The following LARGE1 variants were observed in gnomAD, a reference collection of about 807,000 sequenced individuals.
LARGE1 encodes the protein LARGE xylosyl- and glucuronyltransferase 1.
A neutral mutation model predicts 87.6 loss-of-function variants in LARGE1; 43 were observed. That is an observed-to-expected ratio of 0.49 (90% CI 0.38 to 0.63). The LOEUF (loss-of-function observed/expected upper bound fraction) is 0.63, where lower values mean the gene tolerates loss of function less well. LARGE1 is among the 30% of genes least tolerant of loss of function. The pLI is 0.00. For synonymous variants in LARGE1, 434 were observed against 394.6 expected (o/e 1.10, Z -1.18); for missense variants, 802 against 1,000.2 (o/e 0.80, Z 2.67).
chr22:33,325,707 C>T (rs891338769), intron 10 of LARGE1, among the ~76,000 whole-genome samples: 1 of 152,232 alleles, frequency 6.6e-6, no homozygotes, highest in Non-Finnish European at 1.5e-5. Context: ...TTTCTTCCTT[C>T]CTGTGACACC....
At chr22:33,816,060 T>TG (rs2086638912) in intron 1 of LARGE1, among the ~76,000 whole-genome samples, 1 of 152,184 alleles carries the variant, frequency 6.6e-6, no homozygotes, top group Admixed American at 6.5e-5. Context: ...AGACATGGCC[T>TG]GGTGTTCTGA....
intron 11 of LARGE1, among the ~76,000 whole-genome samples, chr22:33,212,628 AG>A (rs1326735263): frequency 6.6e-6 from 1 of 152,198 alleles, no homozygotes; most frequent in Admixed American, 6.5e-5. Context: ...ACATTTCATA[AG>A]GCTATAGCTG....
intron 6 of LARGE1, among the ~76,000 whole-genome samples, chr22:33,468,954 C>G (rs1179799557): frequency 6.6e-6 from 1 of 152,152 alleles, no homozygotes; most frequent in Non-Finnish European, 1.5e-5. Context: ...ACCACACTCA[C>G]CATACCTCGG....
At chr22:33,096,534 CTTT>C in the LARGE1 span, among the ~76,000 whole-genome samples, 4 of 144,642 alleles carry the variant, frequency 2.8e-5, no homozygotes, top group African/African-American at 1.0e-4. Flanking sequence ...TTATTTTGTT[CTTT>C]TGTTTTTTGT....
intron 2 of LARGE1, among the ~76,000 whole-genome samples, chr22:33,699,876 C>CCAAA (rs530752465): frequency 6.5e-4 from 99 of 152,304 alleles, no homozygotes; most frequent in African/African-American, 2.2e-3. Context: ...AAACAAGACT[C>CCAAA]CAAAGCACTC....
intron 4 of LARGE1, among the ~76,000 whole-genome samples, chr22:33,614,852 A>ACC (rs2079538242): frequency 6.6e-6 from 1 of 151,904 alleles, no homozygotes; most frequent in Admixed American, 6.6e-5. Context: ...TCTCTTGTTT[A>ACC]CTCTCTACAA....
intron 6 of LARGE1, among the ~76,000 whole-genome samples, chr22:33,517,333 G>A (rs931533215): frequency 2.6e-5 from 4 of 152,082 alleles, no homozygotes; most frequent in Non-Finnish European, 5.9e-5. Flanking sequence ...TAACCTCTAG[G>A]AAAGTTGTCC....
chr22:33,710,241 G>A (rs539617109), intron 2 of LARGE1, among the ~76,000 whole-genome samples: 2 of 152,012 alleles, frequency 1.3e-5, no homozygotes, highest in South Asian at 4.1e-4. Flanking sequence ...AATACAAATT[G>A]TATTCGGTGT....
chr22:33,641,850 T>C (rs1201502557), intron 3 of LARGE1, among the ~76,000 whole-genome samples: 2 of 151,968 alleles, frequency 1.3e-5, no homozygotes, highest in Non-Finnish European at 2.9e-5. Context: ...TGAAAAGTAA[T>C]GAACAAAGCC....
the LARGE1 span, among the ~76,000 whole-genome samples, chr22:33,087,206 C>T: frequency 6.6e-6 from 1 of 151,688 alleles, no homozygotes; most frequent in Non-Finnish European, 1.5e-5. Context: ...GTATTAATTT[C>T]TGCATCTCCA....
At chr22:33,267,483 CAG>C (rs1928016754) in intron 11 of LARGE1, among the ~76,000 whole-genome samples, 2 of 151,574 alleles carry the variant, frequency 1.3e-5, no homozygotes, top group African/African-American at 2.4e-5. Flanking sequence ...TCAAATAACT[CAG>C]AGTTAATGAA....
intron 2 of LARGE1, among the ~76,000 whole-genome samples, chr22:33,671,345 A>G (rs1327295603): frequency 6.6e-6 from 1 of 152,234 alleles, no homozygotes; most frequent in Non-Finnish European, 1.5e-5. Context: ...TGAGATGTCT[A>G]GAGAATGGCC....
chr22:33,438,864 G>A (rs1484356682), intron 6 of LARGE1, among the ~76,000 whole-genome samples: 1 of 152,126 alleles, frequency 6.6e-6, no homozygotes, highest in Non-Finnish European at 1.5e-5. Flanking sequence ...ATCATAAAAG[G>A]TTAAGTATAA....
At chr22:33,178,643 T>C (rs1923004544) in intron 11 of LARGE1, among the ~76,000 whole-genome samples, 1 of 152,226 alleles carries the variant, frequency 6.6e-6, no homozygotes, top group Non-Finnish European at 1.5e-5. Context: ...TTTTCCTTTC[T>C]TCAAAAAGTC....
chr22:33,637,408 T>C (rs931270863), intron 3 of LARGE1, among the ~76,000 whole-genome samples: 2 of 152,292 alleles, frequency 1.3e-5, no homozygotes, highest in East Asian at 1.9e-4. Flanking sequence ...GGCAGAGATA[T>C]GGTCCCTTGC....
intron 6 of LARGE1, among the ~76,000 whole-genome samples, chr22:33,523,691 T>C (rs1169762851): frequency 1.3e-5 from 2 of 148,210 alleles, no homozygotes; most frequent in African/African-American, 4.9e-5. Flanking sequence ...TTTTTTTTTT[T>C]CTATTTGTGT....
the LARGE1 span, among the ~76,000 whole-genome samples, chr22:33,086,274 T>G: frequency 6.6e-6 from 1 of 152,190 alleles, no homozygotes; most frequent in Non-Finnish European, 1.5e-5. Flanking sequence ...AGTAAAATTA[T>G]TCTTTGGCAG....
At chr22:33,452,639 A>G (rs1245374283) in intron 6 of LARGE1, among the ~76,000 whole-genome samples, 1 of 152,192 alleles carries the variant, frequency 6.6e-6, no homozygotes, top group Non-Finnish European at 1.5e-5. Flanking sequence ...TCGGTGAGGA[A>G]GGCCACACGG....
intron 2 of LARGE1, among the ~76,000 whole-genome samples, chr22:33,665,576 G>A (rs2081245002): frequency 6.6e-6 from 1 of 152,154 alleles, no homozygotes; most frequent in African/African-American, 2.4e-5. Flanking sequence ...CTCTGAAACG[G>A]GTTTATTGTC....
Sources: allele counts gnomAD v4.1 joint callset (sites outside exome capture counted in the v4.1 genomes callset), GRCh38; gene constraint gnomAD v4.1.1; transcripts MANE v1.5; gene names NCBI Gene and HGNC (gene_info 2026-07-23, HGNC 2026-07-21).